Variants in ADAM32 observed in about 807,000 individuals in gnomAD.
ADAM32 encodes ADAM metallopeptidase domain 32.
ADAM32 carries 89 observed loss-of-function variants against 114.9 expected under a neutral mutation model. The ratio of observed to expected loss-of-function variants is 0.77; its 90% CI spans 0.65 to 0.92. ADAM32 has a LOEUF of 0.92. ADAM32 is among the 40% of genes least tolerant of loss of function. The pLI is 0.00. For synonymous variants in ADAM32, 285 were observed against 307.5 expected (o/e 0.93, Z 0.77); for missense variants, 870 against 932.8 (o/e 0.93, Z 0.88).
At chr8:39,180,422 G>T (rs1259647126) in intron 10 of ADAM32, among the ~76,000 whole-genome samples, 1 of 152,238 alleles carries the variant, frequency 6.6e-6, no homozygotes, top group Non-Finnish European at 1.5e-5. Context: ...TGCCTCTGTG[G>T]GCTCCTTTGC....
At chr8:39,169,372 AT>A (rs1169829546) in intron 9 of ADAM32, 1 of 152,280 alleles carries the variant, frequency 6.6e-6, no homozygotes, top group Non-Finnish European at 1.5e-5. Context: ...GACAAAAATA[AT>A]ATCTACTTCA....
intron 10 of ADAM32, among the ~76,000 whole-genome samples, chr8:39,172,857 C>G (rs1805283668): frequency 1.3e-5 from 2 of 152,164 alleles, no homozygotes; most frequent in Admixed American, 6.5e-5. Flanking sequence ...GGTATATACC[C>G]AGTAATGGGA....
intron 11 of ADAM32, among the ~76,000 whole-genome samples, chr8:39,201,396 A>T (rs904089732): frequency 1.3e-5 from 2 of 151,762 alleles, no homozygotes; most frequent in Admixed American, 1.3e-4. Context: ...GCAATTGTGA[A>T]TGGGAGTTCA....
At position 39,265,376 on chromosome 8, in the gene ADAM32, A is replaced by C. The variant is rs191861513; in HGVS notation, c.2163-5500A>C. On this transcript the variant is annotated intron_variant, in intron 19 of 24. Coordinates refer to ENST00000379907, the MANE Select transcript of ADAM32 (RefSeq NM_145004.7). ...GATCTTTCTCCTTCCCTTTACTTTG[A>C]GCTTATGGGTGTCATTGCAGGTGAG... 9.9e-4 allele frequency among the ~76,000 whole-genome samples: 151 copies of C among 151,984 alleles called. 1 individual carries two copies. The highest frequency in any genetic ancestry group is 3.4e-3 in the Middle Eastern group (1 of 294).
intron 18 of ADAM32, among the ~76,000 whole-genome samples, chr8:39,256,812 A>G (rs2129450643): frequency 6.6e-6 from 1 of 152,210 alleles, no homozygotes; most frequent in Admixed American, 6.5e-5. Context: ...AATAAGATAT[A>G]CACAAATACA....
In ADAM32 at chr8:39,160,984, C is replaced by T; in HGVS notation, c.594+19C>T. 6.5e-7 allele frequency: 1 copy of T among 1,546,278 alleles called. No individual in the cohort carries two copies. The highest frequency in any genetic ancestry group is 2.3e-5 in the East Asian group (1 of 43,250). ...AACTTTGGTATGTGTTTTGCTTTTTCTTTGCTTTGAAATATTTGATCCAAA... is the reference window on the plus strand; with the variant it reads ...AACTTTGGTATGTGTTTTGCTTTTTTTTTGCTTTGAAATATTTGATCCAAA... On this transcript the variant is annotated intron_variant, in intron 7 of 24. Transcript: ENST00000379907.
intron 24 of ADAM32, among the ~76,000 whole-genome samples, chr8:39,284,438 G>T (rs1418403671): frequency 2.6e-5 from 4 of 151,368 alleles, no homozygotes; most frequent in East Asian, 1.9e-4. Context: ...GTAATTGGCT[G>T]CAAGGTATGA....
chr8:39,242,691 T>G (rs1350968421), intron 16 of ADAM32, among the ~76,000 whole-genome samples: 1 of 152,160 alleles, frequency 6.6e-6, no homozygotes, highest in South Asian at 2.1e-4. Context: ...GAAATTTGGC[T>G]GGGAACACAG....
At chr8:39,176,575 T>C (rs1419785759) in intron 10 of ADAM32, among the ~76,000 whole-genome samples, 1 of 152,190 alleles carries the variant, frequency 6.6e-6, no homozygotes, top group Non-Finnish European at 1.5e-5. Context: ...TACAGTTCTT[T>C]TGCATTTGCT....
intron 17 of ADAM32, among the ~76,000 whole-genome samples, chr8:39,253,198 T>G (rs916032638): frequency 6.6e-6 from 1 of 151,684 alleles, no homozygotes; most frequent in Non-Finnish European, 1.5e-5. Context: ...AAGATCAATT[T>G]ACTTTATGAC....
chr8:39,242,460 C>CAGTT (rs1810626919), intron 16 of ADAM32, among the ~76,000 whole-genome samples: 1 of 152,188 alleles, frequency 6.6e-6, no homozygotes. Flanking sequence ...AATGGACTTA[C>CAGTT]AGTTCCACAT....
chr8:39,164,103 C>T (rs186097899), intron 7 of ADAM32, among the ~76,000 whole-genome samples: 1 of 152,284 alleles, frequency 6.6e-6, no homozygotes, highest in East Asian at 1.9e-4. Context: ...AGTACCATCA[C>T]CACAGCACTC....
At chr8:39,208,171 T>A (rs963919257) in intron 11 of ADAM32, among the ~76,000 whole-genome samples, 7 of 152,170 alleles carry the variant, frequency 4.6e-5, no homozygotes, top group Non-Finnish European at 1.0e-4. Context: ...GGTTGTGTAA[T>A]TTACATTTTC....
At chr8:39,215,244 T>C (rs1003967620) in intron 12 of ADAM32, among the ~76,000 whole-genome samples, 4 of 152,036 alleles carry the variant, frequency 2.6e-5, no homozygotes, top group African/African-American at 7.2e-5. Context: ...AGAGATTGCA[T>C]TGAATTTGTA....
At chr8:39,274,156 G>A (rs1482179806) in intron 20 of ADAM32, among the ~76,000 whole-genome samples, 156 bp from the exon 21 acceptor site, 7 of 152,064 alleles carry the variant, frequency 4.6e-5, no homozygotes, top group Non-Finnish European at 4.4e-5. Flanking sequence ...TTATTTATTT[G>A]CATCTATGTT....
At position 39,110,412 on chromosome 8, in the gene ADAM32, A is replaced by C. The variant is rs182119299; in HGVS notation, c.58+2579A>C. On this transcript the variant is annotated intron_variant, in intron 1 of 24. Coordinates refer to ENST00000379907, the MANE Select transcript of ADAM32 (RefSeq NM_145004.7). ...TGCTGAATAATATTCAATTGTCTGG[A>C]TCTACCACAGTTTATTTATCCATTT... is the stretch of plus-strand genomic sequence containing the variant. Among the ~76,000 whole-genome samples the C allele has an allele frequency of 1.8e-3, 272 of 150,374 alleles. 3 individuals carry two copies. Among genetic ancestry groups the C allele is most frequent in the Admixed American group, 4.0e-3 (61 of 15,106 alleles).
chr8:39,271,738 G>A (rs949392575), intron 20 of ADAM32, among the ~76,000 whole-genome samples: 3 of 152,122 alleles, frequency 2.0e-5, no homozygotes. Context: ...AATTTAGAGT[G>A]GGGAAGAGTC....
At chr8:39,122,558 T>C (rs1477635666) in intron 2 of ADAM32, among the ~76,000 whole-genome samples, 1 of 152,196 alleles carries the variant, frequency 6.6e-6, no homozygotes, top group African/African-American at 2.4e-5. Context: ...CATCCAGAAC[T>C]GTGAGAAAAT....
At chr8:39,198,067 TA>T (rs1395445800) in intron 11 of ADAM32, among the ~76,000 whole-genome samples, 1 of 152,140 alleles carries the variant, frequency 6.6e-6, no homozygotes, top group Non-Finnish European at 1.5e-5. Context: ...TATCATTATA[TA>T]ATGACTTGGT....
Sources: allele counts gnomAD v4.1 joint callset (sites outside exome capture counted in the v4.1 genomes callset), GRCh38; gene constraint gnomAD v4.1.1; transcripts MANE v1.5; gene names NCBI Gene and HGNC (gene_info 2026-07-23, HGNC 2026-07-21).